ABCB9: variants seen among roughly 807,000 people sequenced by gnomAD.
The protein encoded by ABCB9 is ATP binding cassette subfamily B member 9.
ABCB9 carries 36 observed loss-of-function variants against 62.0 expected under a neutral mutation model. The ratio of observed to expected loss-of-function variants is 0.58; its 90% CI spans 0.45 to 0.77. ABCB9 has a LOEUF of 0.77. ABCB9 is among the 30% of genes least tolerant of loss of function. The pLI is 0.00. For synonymous variants in ABCB9, 435 were observed against 461.4 expected, an observed-to-expected ratio of 0.94 and a Z score of 0.73; for missense variants, 943 against 1,054.7, an observed-to-expected ratio of 0.89 and a Z score of 1.47.
At position 122,959,223 on chromosome 12, in the gene ABCB9, A is replaced by G. The variant is rs2036765660; in HGVS notation, c.601+412T>C. ...AAAAATTAGTTGGGTGTGGTGGCAT[A>G]TGCCTGTAGTCCCAGCTACTTGAGA... On this transcript the variant is annotated intron_variant, in intron 2 of 11. Coordinates refer to ENST00000280560, the MANE Select transcript of ABCB9 (RefSeq NM_019625.4). This position sits in a 1 kb window ranked among gnomAD's most constrained non-coding sequence, Gnocchi z 5.4. Among the ~76,000 whole-genome samples, 1 of 151,658 alleles carries G rather than the reference A, an allele frequency of 6.6e-6. No individual in the cohort carries two copies. Among genetic ancestry groups the G allele is most frequent in the African/African-American group, 2.4e-5 (1 of 41,384 alleles).
chr12:122,970,202 C>A (rs150566082), upstream of ABCB9, among the ~76,000 whole-genome samples: 530 of 152,296 alleles, frequency 3.5e-3, 6 homozygotes, highest in East Asian at 0.026. Flanking sequence ...GCCTCAGCCT[C>A]CCGATCAGCT....
intron 3 of ABCB9, 68 bp downstream of exon 3, chr12:122,950,383 G>T: frequency 7.0e-7 from 1 of 1,436,888 alleles, no homozygotes; most frequent in Non-Finnish European, 9.5e-7. Context: ...CTTAGGAACA[G>T]GCCCTCCCTT....
chr12:122,920,784 AT>A (rs2034728442), downstream of ABCB9, among the ~76,000 whole-genome samples: 1 of 151,870 alleles, frequency 6.6e-6, no homozygotes, highest in African/African-American at 2.4e-5. Flanking sequence ...ATGGTGGCAC[AT>A]GCCTGTAGTC....
intron 2 of ABCB9, among the ~76,000 whole-genome samples, chr12:122,956,027 T>C (rs1034567108): frequency 6.6e-6 from 1 of 152,210 alleles, no homozygotes; most frequent in African/African-American, 2.4e-5. Context: ...ATATGATTTT[T>C]ATGTCATAAA....
downstream of ABCB9, among the ~76,000 whole-genome samples, chr12:122,925,555 T>C (rs763463811): frequency 6.6e-6 from 1 of 152,072 alleles, no homozygotes; most frequent in Non-Finnish European, 1.5e-5. Flanking sequence ...GAGACCATTC[T>C]GGCTAACGCG....
In ABCB9 at chr12:122,932,118, T is replaced by A; in HGVS notation, c.2040+74A>T. On this transcript the variant is annotated intron_variant, in intron 11 of 11. Transcript: ENST00000280560. This position sits in a 1 kb window ranked among gnomAD's most constrained non-coding sequence, Gnocchi z 4.7. ...GGGGCCCGTCTCTTCTCAGCATCCA[T>A]CTGCTGGGCGATGGGGGCTCTGGCC... 4.5e-6 allele frequency: 7 copies of A among 1,548,374 alleles called. No individual in the cohort carries two copies. Among genetic ancestry groups the A allele is most frequent in the Non-Finnish European group, 6.1e-6 (7 of 1,146,394 alleles).
intron 2 of ABCB9, chr12:122,952,222 A>C (rs2036401069): frequency 6.6e-6 from 1 of 152,282 alleles, no homozygotes; most frequent in Admixed American, 6.5e-5. Flanking sequence ...ATTTTGTTAC[A>C]GCAGCAGAAA....
chr12:122,971,191 T>C (rs1041181336), upstream of ABCB9, among the ~76,000 whole-genome samples: 12 of 152,026 alleles, frequency 7.9e-5, no homozygotes, highest in African/African-American at 2.9e-4. Flanking sequence ...GAGACCAGCC[T>C]GGCCAATATG....
Position 122,963,636 on chromosome 12 carries a change from C to G in ABCB9, c.-88+2651G>C, listed in dbSNP as rs80314274. Among the ~76,000 whole-genome samples the G allele has an allele frequency of 7.2e-3, 1,096 of 152,192 alleles. 13 individuals are homozygous for G. Among genetic ancestry groups the G allele is most frequent in the African/African-American group, 0.024 (1,009 of 41,522 alleles). On this transcript the variant is annotated intron_variant, in intron 1 of 11. Coordinates refer to ENST00000280560, the MANE Select transcript of ABCB9 (RefSeq NM_019625.4). ...TGTACTCTCAACTCCATAGCTCCAA[C>G]CCTTCAAAACAGCCTCTCCAGGAGG... is the stretch of plus-strand genomic sequence containing the variant.
At position 122,949,792 on chromosome 12, in the gene ABCB9, G is replaced by T. The variant is rs376785528; in HGVS notation, c.843C>A (p.Arg281=). The change falls in exon 4 of 12, where the codon CGC becomes CGA. Residue 281 remains arginine (R), a synonymous_variant. Transcript: ENST00000280560. Reference sequence around the variant, plus strand: ...TAGGGCACTGGAAGGACCAACCTGTGCGGTTCTCATCAAAGAAGCTTGTCT... The same window carrying T: ...TAGGGCACTGGAAGGACCAACCTGTTCGGTTCTCATCAAAGAAGCTTGTCT... ...SQETSFFDEN[R]TGDLISRLTS... is the part of the protein sequence containing the mutation. 4 of 1,614,042 alleles carry T rather than the reference G, an allele frequency of 2.5e-6. No homozygotes were observed. The African/African-American group carries it at 5.3e-5, about 22-fold the overall frequency.
chr12:122,944,492 T>C lies in ABCB9; in HGVS notation c.1279A>G (p.Ile427Val), dbSNP rs765965264. ...GLTLLVVQVS[I>V]LYYGGHLVIS... ...ACAAGGTGGCCCCCGTAGTAGAGGA[T>C]GCTGACCTGGACCACCAGCAGTGTG... is the stretch of plus-strand genomic sequence containing the variant. The change falls in exon 7 of 12, where the codon ATC becomes GTC. Residue 427 changes from isoleucine (I) to valine (V), a missense_variant. Transcript: ENST00000280560. The surrounding 1 kb of genome is among the most constrained non-coding windows in gnomAD (Gnocchi z 4.9). 6.2e-7 allele frequency: 1 copy of C among 1,613,966 alleles called. No individual in the cohort carries two copies. Among genetic ancestry groups the C allele is most frequent in the Non-Finnish European group, 8.5e-7 (1 of 1,179,940 alleles).
At position 122,940,186 on chromosome 12, in the gene ABCB9, G is replaced by A. The variant is rs748341612; in HGVS notation, c.1668C>T (p.Tyr556=). The change falls in exon 9 of 12, where the codon TAC becomes TAT. Residue 556 remains tyrosine, a synonymous_variant. Coordinates refer to ENST00000280560, the MANE Select transcript of ABCB9 (RefSeq NM_019625.4). The surrounding 1 kb of genome is among the most constrained non-coding windows in gnomAD (Gnocchi z 4.8). ...SSCVNILENF[Y]PLEGGRVLLD... ...GCAGCACCCGGCCCCCCTCCAGGGG[G>A]TAGAAGTTCTCCAGGATGTTGACAC... 1.3e-5 allele frequency: 21 copies of A among 1,613,796 alleles called. No homozygotes were observed. In the East Asian group the frequency reaches 4.5e-4, roughly 34 times the overall value.
At position 122,959,503 on chromosome 12, in the gene ABCB9, G is replaced by A. The variant is rs2036777726; in HGVS notation, c.601+132C>T. Reference sequence around the variant, plus strand: ...TGGGATTATAGATATGAGCCACTATGCCTGGCCTCTTTTCCTTTTCATATC... The same window carrying A: ...TGGGATTATAGATATGAGCCACTATACCTGGCCTCTTTTCCTTTTCATATC... On this transcript the variant is annotated intron_variant, in intron 2 of 11. Transcript: ENST00000280560. This position sits in a 1 kb window ranked among gnomAD's most constrained non-coding sequence, Gnocchi z 5.4. The A allele has an allele frequency of 1.4e-6, 2 of 1,419,968 alleles. No individual in the cohort carries two copies. Among genetic ancestry groups the A allele is most frequent in the Non-Finnish European group, 1.9e-6 (2 of 1,057,220 alleles). The allele number at this position is 1,419,968 out of a possible 1,614,324, so 88.0% of individuals were successfully genotyped here.
Position 122,959,601 on chromosome 12 carries a change from C to T in ABCB9, c.601+34G>A, listed in dbSNP as rs748495224. 6.6e-7 allele frequency: 1 copy of T among 1,515,774 alleles called. No homozygotes were observed. Among genetic ancestry groups the T allele is most frequent in the Non-Finnish European group, 8.8e-7 (1 of 1,131,764 alleles). The allele number at this position is 1,515,774 out of a possible 1,614,324, so 93.9% of individuals were successfully genotyped here. On this transcript the variant is annotated intron_variant, in intron 2 of 11. Transcript: ENST00000280560. This position sits in a 1 kb window ranked among gnomAD's most constrained non-coding sequence, Gnocchi z 5.4. Reference sequence around the variant, plus strand: ...AGTCATATCCACCTAATTTGATGTTCTGGTGGCCACATGTCCCCGAGGTCC... The same window carrying T: ...AGTCATATCCACCTAATTTGATGTTTTGGTGGCCACATGTCCCCGAGGTCC...
At chr12:122,927,879 G>C (rs575276911), downstream of ABCB9, among the ~76,000 whole-genome samples, 2 of 152,144 alleles carry the variant, frequency 1.3e-5, no homozygotes, top group Non-Finnish European at 2.9e-5. Flanking sequence ...ATGAAAATTG[G>C]AATTTCCAAC....
intron 11 of ABCB9, chr12:122,921,087 T>C (rs1309841108): frequency 3.3e-6 from 5 of 1,532,932 alleles, no homozygotes; most frequent in Admixed American, 2.0e-5. Flanking sequence ...AAAGGAAACA[T>C]TGGGAGTCTG....
At chr12:122,925,751 C>CAACA (rs2034886281), downstream of ABCB9, among the ~76,000 whole-genome samples, 3 of 151,840 alleles carry the variant, frequency 2.0e-5, no homozygotes, top group Admixed American at 1.3e-4. Flanking sequence ...CCGTCTCAAA[C>CAACA]AACAACAACA....
downstream of ABCB9, among the ~76,000 whole-genome samples, chr12:122,919,938 ACT>A (rs1217407638): frequency 1.4e-5 from 2 of 146,168 alleles, no homozygotes; most frequent in Admixed American, 6.7e-5. Context: ...ATGGAGTCTC[ACT>A]CTGTCGTCCA....
chr12:122,950,844 C>G (rs1039045879), intron 2 of ABCB9: 7 of 368,622 alleles, frequency 1.9e-5, no homozygotes, highest in African/African-American at 1.4e-4. Flanking sequence ...CTGCAGGATG[C>G]TTCATTCTCT....
Sources: allele counts gnomAD v4.1 joint callset (sites outside exome capture counted in the v4.1 genomes callset), GRCh38; gene constraint gnomAD v4.1.1; non-coding constraint Gnocchi (gnomAD v3.1); transcripts MANE v1.5; gene names NCBI Gene and HGNC (gene_info 2026-07-23, HGNC 2026-07-21).